Variants in MICAL3 observed in about 807,000 individuals in gnomAD.
MICAL3 encodes the protein [F-actin]-monooxygenase MICAL3.
Under a neutral mutation model 207.4 loss-of-function variants are expected in MICAL3, and 62 were observed. That is an observed-to-expected ratio of 0.30 (90% CI 0.24 to 0.37). The LOEUF is 0.37. Among genes scored for constraint, MICAL3 ranks in the 10% least tolerant of loss-of-function variants. MICAL3 has a pLI of 1.00. For synonymous variants in MICAL3, 1,077 were observed against 1,069.3 expected (o/e 1.01, Z -0.14); for missense variants, 2,368 against 2,635.6 (o/e 0.90, Z 2.22).
intron 1 of MICAL3, among the ~76,000 whole-genome samples, chr22:17,954,907 A>G (rs2146368355): frequency 6.6e-6 from 1 of 152,232 alleles, no homozygotes; most frequent in Non-Finnish European, 1.5e-5. Flanking sequence ...TATTTTTAGT[A>G]GAGACGCTGT....
intron 19 of MICAL3, among the ~76,000 whole-genome samples, chr22:17,842,993 C>T (rs996031260): frequency 2.6e-5 from 4 of 151,974 alleles, no homozygotes; most frequent in Admixed American, 6.6e-5. Context: ...CGGTGGCGGG[C>T]GCCTGTAGTC....
intron 1 of MICAL3, among the ~76,000 whole-genome samples, chr22:17,918,724 C>T (rs1932697361): frequency 6.6e-6 from 1 of 152,186 alleles, no homozygotes; most frequent in African/African-American, 2.4e-5. Context: ...CAATGGCCTC[C>T]CCATGTTCCC....
At chr22:17,929,025 C>G (rs1466693554) in intron 1 of MICAL3, among the ~76,000 whole-genome samples, 1 of 151,504 alleles carries the variant, frequency 6.6e-6, no homozygotes, top group Non-Finnish European at 1.5e-5. Flanking sequence ...GAACTCCTGA[C>G]CTTGTGATCT....
chr22:17,993,063 G>C (rs1430974233), intron 1 of MICAL3, among the ~76,000 whole-genome samples: 2 of 152,164 alleles, frequency 1.3e-5, no homozygotes, highest in Non-Finnish European at 2.9e-5. Context: ...ATGCAAGGGT[G>C]GTTTTGAGAA....
At chr22:17,808,978 C>A in intron 28 of MICAL3, 41 bp from the exon 29 acceptor site, 1 of 1,508,366 alleles carries the variant, frequency 6.6e-7, no homozygotes, top group South Asian at 1.2e-5. Context: ...GCTCTCCAGC[C>A]CTGCTTCAGG....
chr22:17,995,536 T>C (rs1466053856), intron 1 of MICAL3, among the ~76,000 whole-genome samples: 2 of 140,660 alleles, frequency 1.4e-5, no homozygotes, highest in Non-Finnish European at 3.1e-5. Context: ...AGTAGGGTCT[T>C]GCTCTATCAC....
intron 7 of MICAL3, among the ~76,000 whole-genome samples, chr22:17,898,817 C>G (rs1569123672): frequency 1.3e-5 from 2 of 152,200 alleles, no homozygotes; most frequent in Non-Finnish European, 2.9e-5. Context: ...ACAGGCTGAG[C>G]TGGACCTGGC....
chr22:17,828,731 C>T lies in MICAL3; in HGVS notation c.3056-950G>A, dbSNP rs73384517. On this transcript the variant is annotated intron_variant, in intron 21 of 31. Coordinates refer to ENST00000441493, the MANE Select transcript of MICAL3 (RefSeq NM_015241.3). ...GGATCCCTGTACTTAGTGCTTGGAC[C>T]GTGCCACACAGTTGGGTTAAGATAA... 9.1e-3 allele frequency among the ~76,000 whole-genome samples: 1,387 copies of T among 152,242 alleles called. 19 individuals are homozygous for T. The highest frequency in any genetic ancestry group is 0.032 in the African/African-American group (1,341 of 41,528).
chr22:17,837,554 TCA>T (rs1757214519), intron 20 of MICAL3, among the ~76,000 whole-genome samples: 1 of 152,202 alleles, frequency 6.6e-6, no homozygotes, highest in South Asian at 2.1e-4. Context: ...AACACAAACA[TCA>T]CAAAGCCAGC....
intron 16 of MICAL3, among the ~76,000 whole-genome samples, chr22:17,872,576 CACA>C (rs1202290358): frequency 2.6e-5 from 4 of 152,222 alleles, no homozygotes; most frequent in South Asian, 4.1e-4. Context: ...CCTGGACTCA[CACA>C]ACAACTACTG....
chr22:17,864,875 A>T, intron 19 of MICAL3, 24 bp downstream of exon 19: 1 of 1,613,832 alleles, frequency 6.2e-7, no homozygotes, highest in East Asian at 2.2e-5. Context: ...CGCGCCACCC[A>T]GCCAAACAAG....
chr22:17,918,811 C>T (rs1040706214), intron 1 of MICAL3, among the ~76,000 whole-genome samples: 3 of 152,238 alleles, frequency 2.0e-5, no homozygotes, highest in African/African-American at 4.8e-5. Flanking sequence ...CCCTCCGATC[C>T]GTTCACTCAA....
chr22:17,812,696 T>C (rs1032888563), intron 27 of MICAL3: 1 of 273,882 alleles, frequency 3.7e-6, no homozygotes, highest in Non-Finnish European at 5.6e-6. Context: ...AAACACGAGA[T>C]TATTTTTCAC....
At chr22:17,833,416 G>A (rs1423164722) in intron 20 of MICAL3, among the ~76,000 whole-genome samples, 1 of 152,224 alleles carries the variant, frequency 6.6e-6, no homozygotes, top group African/African-American at 2.4e-5. Context: ...CATCTGCCCT[G>A]ACCTCCTGCG....
chr22:17,987,496 G>GGCCTT (rs1921159472), intron 1 of MICAL3, among the ~76,000 whole-genome samples: 1 of 152,204 alleles, frequency 6.6e-6, no homozygotes, highest in Non-Finnish European at 1.5e-5. Context: ...GCCACTGCTG[G>GGCCTT]GCCTTCTGCC....
At chr22:17,999,648 A>T (rs1480461981) in intron 1 of MICAL3, among the ~76,000 whole-genome samples, 2 of 152,226 alleles carry the variant, frequency 1.3e-5, no homozygotes, top group Non-Finnish European at 2.9e-5. Context: ...GAACAGGATC[A>T]TCCCAGGTGG....
At chr22:17,892,670 A>C (rs969871015) in intron 11 of MICAL3, among the ~76,000 whole-genome samples, 1 of 152,232 alleles carries the variant, frequency 6.6e-6, no homozygotes, top group African/African-American at 2.4e-5. Flanking sequence ...ATGCTCTAAA[A>C]TAAAAACAGT....
chr22:17,818,387 C>G lies in MICAL3; in HGVS notation c.4274G>C (p.Ser1425Thr). The change falls in exon 26 of 32, where the codon AGC becomes ACC. Residue 1425 changes from serine to threonine, a missense_variant. Coordinates refer to ENST00000441493, the MANE Select transcript of MICAL3 (RefSeq NM_015241.3). ...GCTCCCGTGCAGGCCCAGGCCAGAG[C>G]TGCTGGACAGCTCCCTGCGCTCCTC... Reference protein sequence around the residue: ...AQEERRELSSSSGLGLHGSSS... With the variant: ...AQEERRELSSTSGLGLHGSSS... 6.2e-7 allele frequency: 1 copy of G among 1,609,654 alleles called. No homozygotes were observed. The highest frequency in any genetic ancestry group is 8.5e-7 in the Non-Finnish European group (1 of 1,179,374).
At position 17,808,697 on chromosome 22, in the gene MICAL3, A is replaced by G. The variant is rs1263129417; in HGVS notation, c.5650+147T>C. The G allele has an allele frequency of 9.2e-6, 6 of 651,996 alleles. No homozygotes were observed. The Admixed American group carries it at 1.4e-4, about 15-fold the overall frequency. The allele number at this position is 651,996 out of a possible 1,614,324, so 40.4% of individuals were successfully genotyped here. ...CAGGTATTTTCTTTTGCTTAACAGG[A>G]AGCCCCAAATCTCAGAGATGAAGGG... On this transcript the variant is annotated intron_variant, in intron 29 of 31. Coordinates refer to ENST00000441493, the MANE Select transcript of MICAL3 (RefSeq NM_015241.3).
Sources: gnomAD v4.1 joint callset for allele counts (sites outside exome capture counted in the v4.1 genomes callset) on GRCh38, gnomAD v4.1.1 for gene constraint, MANE v1.5 for transcripts, NCBI Gene and HGNC (gene_info 2026-07-23, HGNC 2026-07-21) for gene names.